Variants in SYNE1 observed in about 807,000 individuals in gnomAD.
SYNE1 encodes nesprin-1.
A neutral mutation model predicts 1,111.0 loss-of-function variants in SYNE1; 616 were observed. That is an observed-to-expected ratio of 0.55 (90% CI 0.52 to 0.59). SYNE1 has a LOEUF of 0.59. SYNE1 is among the 20% of genes least tolerant of loss of function. The pLI, the probability that SYNE1 is intolerant of heterozygous loss-of-function variation, is 0.00. For synonymous variants in SYNE1, 3,855 were observed against 3,825.8 expected, an observed-to-expected ratio of 1.01 and a Z score of -0.28; for missense variants, 10,006 against 10,417.0, an observed-to-expected ratio of 0.96 and a Z score of 1.72.
At chr6:152,575,669 C>T (rs2099493485) in intron 3 of SYNE1, among the ~76,000 whole-genome samples, 1 of 152,170 alleles carries the variant, frequency 6.6e-6, no homozygotes, top group Non-Finnish European at 1.5e-5. Flanking sequence ...CCTAGATTTG[C>T]CACAACTTAC....
rs369021147 is a variant in SYNE1, at chr6:152,150,960, C to T, written c.24450+593G>A. ...GGAAGGGTGGCTCACACCTGTAATC[C>T]CAGCACTTTGGGAGGCCAAAGCAGC... On this transcript the variant is annotated intron_variant, in intron 135 of 145. Coordinates refer to ENST00000367255, the MANE Select transcript of SYNE1 (RefSeq NM_182961.4). 8.5e-5 allele frequency among the ~76,000 whole-genome samples: 13 copies of T among 152,202 alleles called. No homozygotes were observed. The East Asian group carries it at 2.5e-3, about 29-fold the overall frequency.
chr6:152,143,502 G>A (rs547857174), intron 138 of SYNE1, 121 bp downstream of exon 138: 15 of 1,429,844 alleles, frequency 1.0e-5, no homozygotes, highest in Middle Eastern at 2.4e-4. Flanking sequence ...CCAGGTTCAC[G>A]AGTTCAAGGG....
At chr6:152,527,057 T>C (rs1365270299) in intron 4 of SYNE1, among the ~76,000 whole-genome samples, 1 of 152,220 alleles carries the variant, frequency 6.6e-6, no homozygotes, top group Non-Finnish European at 1.5e-5. Context: ...CAGAATTTGT[T>C]TTCCATTTAG....
intron 12 of SYNE1, among the ~76,000 whole-genome samples, chr6:152,486,731 T>G (rs562833430): frequency 6.6e-6 from 1 of 152,344 alleles, no homozygotes; most frequent in Admixed American, 6.5e-5. Context: ...ATTAACCACA[T>G]ATTTATTGCT....
chr6:152,604,361 A>T (rs2099605524), intron 3 of SYNE1, among the ~76,000 whole-genome samples: 1 of 152,006 alleles, frequency 6.6e-6, no homozygotes, highest in Non-Finnish European at 1.5e-5. Context: ...GGAGTGCAGT[A>T]GTGTGATCAC....
Position 152,350,193 on chromosome 6 carries a change from ATTGTCTCCAGGCTGC to A in SYNE1, c.11861_11875del (p.Ser3954_Thr3958del), listed in dbSNP as rs1200141982. ...CTTGTGGTGGGCCAATTGCTGGGTG[ATTGTCTCCAGGCTGC>A]TTGTCTCCAGGAGGTCAGGTGCCAC... On this transcript the variant is annotated inframe_deletion, in exon 72 of 146. Coordinates refer to ENST00000367255, the MANE Select transcript of SYNE1 (RefSeq NM_182961.4). 22 of 1,613,602 alleles carry A rather than the reference ATTGTCTCCAGGCTGC, an allele frequency of 1.4e-5. No individual in the cohort carries two copies. Among genetic ancestry groups the A allele is most frequent in the Non-Finnish European group, 1.8e-5 (21 of 1,180,012 alleles).
At chr6:152,555,393 A>G (rs933233732) in intron 3 of SYNE1, among the ~76,000 whole-genome samples, 2 of 152,156 alleles carry the variant, frequency 1.3e-5, no homozygotes, top group South Asian at 2.1e-4. Flanking sequence ...TTGTAGTACA[A>G]TTGCCTACAG....
chr6:152,465,467 C>T lies in SYNE1; in HGVS notation c.1730-7G>A, dbSNP rs367603152. ...ACATTCTCAGCTTCTTCCACTGAAA[C>T]AGATAAAACCAATTATAACCCTTAT... On this transcript the variant is annotated splice_region_variant and splice_polypyrimidine_tract_variant and intron_variant, in intron 17 of 145. Coordinates refer to ENST00000367255, the MANE Select transcript of SYNE1 (RefSeq NM_182961.4). The T allele has an allele frequency of 8.2e-5, 132 of 1,611,316 alleles. No homozygotes were observed. The African/African-American group carries it at 1.7e-3, about 21-fold the overall frequency.
At chr6:152,344,488 A>G (rs2096596258) in intron 73 of SYNE1, among the ~76,000 whole-genome samples, 1 of 152,238 alleles carries the variant, frequency 6.6e-6, no homozygotes, top group Admixed American at 6.5e-5. Context: ...CAGGGTAAAT[A>G]TAACCGTAGA....
chr6:152,516,423 C>T (rs2099112130), intron 6 of SYNE1, among the ~76,000 whole-genome samples: 1 of 152,112 alleles, frequency 6.6e-6, no homozygotes. Context: ...CAATGCCTTT[C>T]ATAGGTGAAG....
chr6:152,546,282 G>T (rs1259302459), intron 3 of SYNE1: 1 of 152,110 alleles, frequency 6.6e-6, no homozygotes, highest in Non-Finnish European at 1.5e-5. Context: ...ATAAATGAAA[G>T]ACATTTACAG....
chr6:152,366,899 C>T (rs1444284347), intron 62 of SYNE1: 8 of 466,782 alleles, frequency 1.7e-5, no homozygotes, highest in Non-Finnish European at 2.9e-5. Flanking sequence ...AATGTTTTGC[C>T]CTATAAAATG....
chr6:152,541,119 G>A (rs1343054218), intron 3 of SYNE1, among the ~76,000 whole-genome samples: 1 of 152,174 alleles, frequency 6.6e-6, no homozygotes, highest in African/African-American at 2.4e-5. Flanking sequence ...AGGAAAAGAG[G>A]TAGGGTTTGG....
rs182272901 is a variant in SYNE1 at position 152,589,657 on chromosome 6, G to A, written c.67+38608C>T. ...AGTCAAGCAAGAATCACATGTGCAT[G>A]TGACCAGCCCTAAGGGACTCCCCTT... On this transcript the variant is annotated intron_variant, in intron 3 of 145. Coordinates refer to ENST00000367255, the MANE Select transcript of SYNE1 (RefSeq NM_182961.4). Among the ~76,000 whole-genome samples the A allele has an allele frequency of 1.9e-3, 286 of 152,210 alleles. 1 individual carries two copies. The highest frequency in any genetic ancestry group is 6.4e-3 in the African/African-American group (264 of 41,536).
chr6:152,635,285 A>G (rs2099704231), intron 2 of SYNE1, among the ~76,000 whole-genome samples: 1 of 152,230 alleles, frequency 6.6e-6, no homozygotes, highest in Admixed American at 6.5e-5. Flanking sequence ...AGCTAGGCAA[A>G]TATTTCCAAA....
intron 127 of SYNE1, among the ~76,000 whole-genome samples, chr6:152,189,613 C>T (rs2071602356): frequency 6.6e-6 from 1 of 152,110 alleles, no homozygotes; most frequent in African/African-American, 2.4e-5. Context: ...AAGTGAGTCA[C>T]AAATTTTTTG....
intron 87 of SYNE1, among the ~76,000 whole-genome samples, chr6:152,312,853 A>G (rs2095595508): frequency 6.6e-6 from 1 of 152,072 alleles, no homozygotes; most frequent in Non-Finnish European, 1.5e-5. Flanking sequence ...TTTTCACCCG[A>G]CCTTAGCGTT....
At chr6:152,446,171 A>C (rs1243635565) in intron 29 of SYNE1, among the ~76,000 whole-genome samples, 1 of 151,012 alleles carries the variant, frequency 6.6e-6, no homozygotes, top group Non-Finnish European at 1.5e-5. Context: ...GAATAACGAC[A>C]AGTATTTGTT....
chr6:152,257,108 T>C (rs2091029959), intron 101 of SYNE1, among the ~76,000 whole-genome samples: 1 of 152,206 alleles, frequency 6.6e-6, no homozygotes, highest in African/African-American at 2.4e-5. Context: ...TGAATGTCTC[T>C]ACCGCAAAGA....
Sources: allele counts gnomAD v4.1 joint callset (sites outside exome capture counted in the v4.1 genomes callset), GRCh38; gene constraint gnomAD v4.1.1; transcripts MANE v1.5; gene names NCBI Gene and HGNC (gene_info 2026-07-23, HGNC 2026-07-21).